Variants in GPC5 observed in about 807,000 individuals in gnomAD.
GPC5 encodes glypican 5, also known as glypican-5.
GPC5 carries 47 observed loss-of-function variants against 53.9 expected under a neutral mutation model. The observed-to-expected ratio is 0.87, with a 90% CI of 0.69 to 1.11. GPC5 has a LOEUF of 1.11. Ranked by LOEUF, GPC5 falls within the 50% of genes most tolerant of loss-of-function variation. GPC5 has a pLI of 0.00. For missense variants in GPC5, 748 were observed against 713.1 expected (o/e 1.05, Z -0.56); for synonymous variants, 286 against 263.3 (o/e 1.09, Z -0.84).
At chr13:92,088,461 G>A (rs113156201) in intron 6 of GPC5, among the ~76,000 whole-genome samples, 19 of 152,190 alleles carry the variant, frequency 1.2e-4, no homozygotes, top group Middle Eastern at 3.4e-3. Flanking sequence ...AAGATAAAAT[G>A]GCCCACTGGA....
At chr13:91,401,234 C>T (rs897821417) in intron 1 of GPC5, among the ~76,000 whole-genome samples, 3 of 151,824 alleles carry the variant, frequency 2.0e-5, no homozygotes, top group Non-Finnish European at 4.4e-5. Flanking sequence ...GTTGGTCATT[C>T]TTTTACAAAT....
intron 3 of GPC5, among the ~76,000 whole-genome samples, chr13:91,726,934 C>T (rs549748640): frequency 9.8e-5 from 15 of 152,300 alleles, no homozygotes; most frequent in South Asian, 4.2e-4. Context: ...GTATCCAAGT[C>T]GTATGATGGC....
intron 6 of GPC5, among the ~76,000 whole-genome samples, chr13:91,985,504 C>A (rs1475750961): frequency 1.3e-5 from 2 of 151,410 alleles, no homozygotes; most frequent in African/African-American, 4.9e-5. Flanking sequence ...TTCATCTGCT[C>A]TTTTATTTCT....
At chr13:91,487,841 G>A (rs569585875) in intron 2 of GPC5, among the ~76,000 whole-genome samples, 1 of 151,680 alleles carries the variant, frequency 6.6e-6, no homozygotes, top group South Asian at 2.1e-4. Flanking sequence ...GAACCCATAT[G>A]TTAGGATTAT....
chr13:91,967,315 G>T (rs537604633), intron 6 of GPC5, among the ~76,000 whole-genome samples: 16 of 152,214 alleles, frequency 1.1e-4, no homozygotes, highest in Non-Finnish European at 2.4e-4. Flanking sequence ...TACAATTCAA[G>T]ATAAGATTTG....
rs548889458 is a variant in GPC5, at chr13:92,055,447, A to T, written c.1402-89383A>T. 2.0e-5 allele frequency among the ~76,000 whole-genome samples: 3 copies of T among 152,326 alleles called. No homozygotes were observed. The South Asian group carries it at 6.2e-4, about 32-fold the overall frequency. ...AATTGCTAACAAAATTCAAGATGTA[A>T]ACTTTATCAATTTATGTAGAATTGT... On this transcript the variant is annotated intron_variant, in intron 6 of 7. Coordinates refer to ENST00000377067, the MANE Select transcript of GPC5 (RefSeq NM_004466.6).
intron 7 of GPC5, among the ~76,000 whole-genome samples, chr13:92,161,989 A>ATATATATG (rs1356162013): frequency 2.8e-4 from 34 of 121,588 alleles, no homozygotes; most frequent in Non-Finnish European, 5.0e-4. Flanking sequence ...ATATATATAT[A>ATATATATG]TATATATGAA....
chr13:92,150,845 T>C (rs765221005), intron 7 of GPC5, among the ~76,000 whole-genome samples: 1 of 151,894 alleles, frequency 6.6e-6, no homozygotes, highest in African/African-American at 2.4e-5. Context: ...GTGGTCTTTT[T>C]TGAACAACAC....
chr13:91,852,777 C>A (rs2038928636), intron 5 of GPC5, among the ~76,000 whole-genome samples: 1 of 152,092 alleles, frequency 6.6e-6, no homozygotes, highest in Non-Finnish European at 1.5e-5. Flanking sequence ...TCCATTATAA[C>A]TTTAAGGGAC....
chr13:92,189,155 A>G (rs148731958), intron 7 of GPC5, among the ~76,000 whole-genome samples: 103 of 152,294 alleles, frequency 6.8e-4, no homozygotes, highest in Admixed American at 5.8e-3. Context: ...ACTATCTGAG[A>G]AAAATCCCTT....
chr13:91,603,398 T>C (rs7989849), intron 2 of GPC5, among the ~76,000 whole-genome samples: 148,053 of 152,324 alleles, frequency 0.97, 72,071 homozygotes, highest in East Asian at 1. Flanking sequence ...GAAGTGCACA[T>C]CTTTGTCTCA....
At chr13:91,956,633 C>T (rs1272166303) in intron 6 of GPC5, among the ~76,000 whole-genome samples, 1 of 152,142 alleles carries the variant, frequency 6.6e-6, no homozygotes, top group Non-Finnish European at 1.5e-5. Flanking sequence ...ACCTGGCATC[C>T]CTATCTCCAG....
At chr13:92,477,044 T>TA (rs879404654) in intron 7 of GPC5, among the ~76,000 whole-genome samples, 3,852 of 129,960 alleles carry the variant, frequency 0.03, 59 homozygotes, top group Middle Eastern at 0.046. Flanking sequence ...TAAAGTATAA[T>TA]AATAAAAAAT....
At chr13:92,757,204 G>C (rs554571275) in intron 7 of GPC5, among the ~76,000 whole-genome samples, 14 of 152,216 alleles carry the variant, frequency 9.2e-5, no homozygotes, top group East Asian at 1.9e-4. Context: ...TGATCTTTGA[G>C]AAACCTGACA....
At chr13:92,695,416 G>A (rs1466031714) in intron 7 of GPC5, among the ~76,000 whole-genome samples, 1 of 152,110 alleles carries the variant, frequency 6.6e-6, no homozygotes, top group Non-Finnish European at 1.5e-5. Context: ...TATAAGTCCT[G>A]ATGGCATTGT....
rs534796071 is a variant in GPC5, at chr13:91,572,063, AT to A, written c.326-121123del. The stretch of plus-strand genomic sequence containing the variant: ...TATATACACACATATGTATATATAC[AT>A]GTATATACACACATATGTATATGTA... On this transcript the variant is annotated intron_variant, in intron 2 of 7. Transcript: ENST00000377067. Among the ~76,000 whole-genome samples, 13 of 129,814 alleles carry A rather than the reference AT, an allele frequency of 1.0e-4. No homozygotes were observed. In the South Asian group the frequency reaches 2.1e-3, roughly 21 times the overall value. 85.2% of individuals were successfully genotyped at this position (129,814 alleles called of 152,430 possible). A position where few individuals can be genotyped will look rare whatever the true frequency, so the allele number is the denominator to read the frequency against.
At chr13:92,727,960 T>C (rs1470092879) in intron 7 of GPC5, among the ~76,000 whole-genome samples, 2 of 151,416 alleles carry the variant, frequency 1.3e-5, no homozygotes, top group Non-Finnish European at 3.0e-5. Flanking sequence ...CTTTTGTTCA[T>C]GCTTTATAAA....
At chr13:92,319,768 T>A (rs1265970377) in intron 7 of GPC5, among the ~76,000 whole-genome samples, 1 of 152,194 alleles carries the variant, frequency 6.6e-6, no homozygotes, top group East Asian at 1.9e-4. Context: ...ATGTTATACG[T>A]ACAGTGCATC....
intron 7 of GPC5, among the ~76,000 whole-genome samples, chr13:92,458,445 C>T (rs1046806053): frequency 6.6e-6 from 1 of 151,930 alleles, no homozygotes; most frequent in East Asian, 1.9e-4. Flanking sequence ...ATTACAGGGG[C>T]CTACCACCAT....
Sources: gnomAD v4.1 joint callset for allele counts (sites outside exome capture counted in the v4.1 genomes callset) on GRCh38, gnomAD v4.1.1 for gene constraint, MANE v1.5 for transcripts, NCBI Gene and HGNC (gene_info 2026-07-23, HGNC 2026-07-21) for gene names.